The following UMAD1 variants were observed in gnomAD, a reference collection of about 807,000 sequenced individuals.
UMAD1 encodes UBAP1-MVB12-associated (UMA)-domain containing protein 1.
Under a neutral mutation model 6.1 loss-of-function variants are expected in UMAD1, and 8 were observed. The observed-to-expected ratio is 1.30, with a 90% CI of 0.76 to 2.35. The LOEUF is 2.35. UMAD1 is among the 30% of genes most tolerant of loss of function. The pLI, the probability that UMAD1 is intolerant of heterozygous loss-of-function variation, is 0.00. For synonymous variants in UMAD1, 56 were observed against 31.4 expected, an observed-to-expected ratio of 1.78 and a Z score of -2.61; for missense variants, 130 against 78.4, an observed-to-expected ratio of 1.66 and a Z score of -2.49.
At chr7:7,703,706 G>A (rs1780524211) in intron 2 of UMAD1, among the ~76,000 whole-genome samples, 2 of 152,278 alleles carry the variant, frequency 1.3e-5, no homozygotes, top group East Asian at 1.9e-4. Flanking sequence ...TTGGGAAGCC[G>A]AGACTGGCAG....
At chr7:7,667,321 A>G (rs1378296056) in intron 1 of UMAD1, among the ~76,000 whole-genome samples, 1 of 152,218 alleles carries the variant, frequency 6.6e-6, no homozygotes, top group Admixed American at 6.5e-5. Flanking sequence ...ACTACAGAGA[A>G]GGAAATGAGA....
chr7:7,754,270 A>G (rs1781734571), intron 2 of UMAD1, among the ~76,000 whole-genome samples: 1 of 152,104 alleles, frequency 6.6e-6, no homozygotes, highest in Non-Finnish European at 1.5e-5. Context: ...TAGCATTTGT[A>G]ATTGCCTGTC....
At chr7:7,661,310 C>T (rs1428549905) in intron 1 of UMAD1, among the ~76,000 whole-genome samples, 4 of 152,182 alleles carry the variant, frequency 2.6e-5, no homozygotes, top group Non-Finnish European at 4.4e-5. Flanking sequence ...TCTGAAGCCT[C>T]CTTCTTTCAA....
At chr7:7,834,433 CTG>C (rs1160018854) in intron 3 of UMAD1, among the ~76,000 whole-genome samples, 9 of 152,204 alleles carry the variant, frequency 5.9e-5, no homozygotes, top group Admixed American at 5.2e-4. Context: ...TCATTGGACA[CTG>C]TCTCAGTCTG....
At chr7:7,693,627 A>C in intron 2 of UMAD1, among the ~76,000 whole-genome samples, 1 of 152,206 alleles carries the variant, frequency 6.6e-6, no homozygotes, top group Admixed American at 6.5e-5. Flanking sequence ...ATATTTTAAA[A>C]ATTGTTTATT....
chr7:7,781,473 GA>G (rs1782343402), intron 2 of UMAD1, among the ~76,000 whole-genome samples: 1 of 151,400 alleles, frequency 6.6e-6, no homozygotes, highest in African/African-American at 2.4e-5. Context: ...CATTAATGTG[GA>G]AAAAAATGTC....
At chr7:7,806,656 A>C (rs1289816170) in intron 3 of UMAD1, among the ~76,000 whole-genome samples, 5 of 152,216 alleles carry the variant, frequency 3.3e-5, no homozygotes, top group Admixed American at 2.6e-4. Context: ...CTTTGGAGTT[A>C]TCCATTTAAA....
chr7:7,799,953 G>A (rs950002674), intron 2 of UMAD1, among the ~76,000 whole-genome samples: 1 of 152,164 alleles, frequency 6.6e-6, no homozygotes, highest in Non-Finnish European at 1.5e-5. Context: ...GCGCGTTCTC[G>A]GCTCACTGCA....
At chr7:7,801,790 C>G (rs1483131971) in intron 3 of UMAD1, 47 bp downstream of exon 3, 3 of 713,772 alleles carry the variant, frequency 4.2e-6, no homozygotes, top group Non-Finnish European at 7.8e-6. Flanking sequence ...GAACAAGTCA[C>G]TATGATTACT....
intron 3 of UMAD1, among the ~76,000 whole-genome samples, chr7:7,833,089 A>G (rs560496285): frequency 6.6e-6 from 1 of 152,316 alleles, no homozygotes; most frequent in South Asian, 2.1e-4. Flanking sequence ...GCTTGGGACC[A>G]CAGTGTGGAG....
intron 3 of UMAD1, among the ~76,000 whole-genome samples, chr7:7,863,041 G>T (rs1217043489): frequency 6.6e-6 from 1 of 151,900 alleles, no homozygotes. Flanking sequence ...AATCAGCTTG[G>T]CCAAGTTGGA....
chr7:7,814,536 G>A (rs1211658723), intron 3 of UMAD1, among the ~76,000 whole-genome samples: 2 of 151,974 alleles, frequency 1.3e-5, no homozygotes, highest in East Asian at 3.8e-4. Flanking sequence ...TAAATTTATT[G>A]TGAGTCTTTT....
At chr7:7,645,899 A>T (rs934137687) in intron 1 of UMAD1, among the ~76,000 whole-genome samples, 14 of 151,354 alleles carry the variant, frequency 9.2e-5, no homozygotes, top group African/African-American at 3.4e-4. Flanking sequence ...AAAATTTGGC[A>T]TTATGGTTAT....
intron 3 of UMAD1, among the ~76,000 whole-genome samples, chr7:7,864,158 A>G (rs1784180142): frequency 6.6e-6 from 1 of 152,200 alleles, no homozygotes; most frequent in South Asian, 2.1e-4. Context: ...GGAAGCTACA[A>G]CTTTAAGCAA....
chr7:7,666,651 G>A lies in UMAD1; in HGVS notation c.-63-6658G>A, dbSNP rs546151220. On this transcript the variant is annotated intron_variant, in intron 1 of 3. Transcript: ENST00000682710. Reference sequence around the variant, plus strand: ...CTGTTCATGTATCTTGCTAGGTGAAGTGGCTGTTCATATTTTTTGCCCGGT... The same window carrying A: ...CTGTTCATGTATCTTGCTAGGTGAAATGGCTGTTCATATTTTTTGCCCGGT... Among the ~76,000 whole-genome samples, 10 of 152,198 alleles carry A rather than the reference G, an allele frequency of 6.6e-5. 1 individual carries two copies. Among genetic ancestry groups the A allele is most frequent in the African/African-American group, 2.4e-4 (10 of 41,506 alleles).
At chr7:7,699,893 C>T (rs112583322) in intron 2 of UMAD1, among the ~76,000 whole-genome samples, 1 of 152,072 alleles carries the variant, frequency 6.6e-6, no homozygotes, top group South Asian at 2.1e-4. Context: ...AGTGGAAATA[C>T]GTGTTTTGTT....
At chr7:7,812,915 T>A (rs1029758594) in intron 3 of UMAD1, among the ~76,000 whole-genome samples, 1 of 152,044 alleles carries the variant, frequency 6.6e-6, no homozygotes, top group Non-Finnish European at 1.5e-5. Flanking sequence ...AGAGCTTAAG[T>A]GCAGCCATTT....
chr7:7,754,852 C>T (rs1002224219), intron 2 of UMAD1, among the ~76,000 whole-genome samples: 4 of 152,128 alleles, frequency 2.6e-5, no homozygotes, highest in African/African-American at 7.2e-5. Context: ...TTTCCACAAA[C>T]GAGATCATAC....
chr7:7,868,791 A>G (rs1446979213), intron 3 of UMAD1, among the ~76,000 whole-genome samples: 1 of 152,120 alleles, frequency 6.6e-6, no homozygotes, highest in Non-Finnish European at 1.5e-5. Context: ...TCTCCCCCCT[A>G]ATTTCTGTAT....
Sources: allele counts gnomAD v4.1 joint callset (sites outside exome capture counted in the v4.1 genomes callset), GRCh38; gene constraint gnomAD v4.1.1; transcripts MANE v1.5; gene names NCBI Gene and HGNC (gene_info 2026-07-23, HGNC 2026-07-21).